The following CHRNA4 variants were observed in gnomAD, a reference collection of about 807,000 sequenced individuals.
The protein encoded by CHRNA4 is neuronal acetylcholine receptor subunit alpha-4.
In CHRNA4, 28 loss-of-function variants were observed where a neutral mutation model predicts 48.9. That is an observed-to-expected ratio of 0.57 (90% CI 0.42 to 0.79). The LOEUF is 0.79. Among genes scored for constraint, CHRNA4 ranks in the 30% least tolerant of loss-of-function variants. The probability of loss-of-function intolerance (pLI) is 0.00; values close to 1 mark genes in which losing one functional copy is unlikely to be tolerated. For missense variants in CHRNA4, 859 were observed against 898.4 expected (o/e 0.96, Z 0.56); for synonymous variants, 425 against 402.3 (o/e 1.06, Z -0.68).
chr20:63,345,267 G>T lies in CHRNA4; in HGVS notation c.*1471C>A, dbSNP rs946591971. ...CCCAACCCCATCCCCACCCCTGGCT[G>T]GATGGGGTCTGGGGGCAGCAGAATG... is the stretch of plus-strand genomic sequence containing the variant. On this transcript the variant is annotated 3_prime_UTR_variant, in exon 6 of 6. Transcript: ENST00000370263. This position sits in a 1 kb window ranked among gnomAD's most constrained non-coding sequence, Gnocchi z 5.4. 8.8e-6 allele frequency: 4 copies of T among 452,420 alleles called. No individual in the cohort carries two copies. Among genetic ancestry groups the T allele is most frequent in the Non-Finnish European group, 1.8e-5 (4 of 225,620 alleles). The allele number at this position is 452,420 out of a possible 1,614,324, so 28.0% of individuals were successfully genotyped here. A position where few individuals can be genotyped will look rare whatever the true frequency, so the allele number is the denominator to read the frequency against.
intron 5 of CHRNA4, 52 bp downstream of exon 5, chr20:63,349,600 CG>C: frequency 1.2e-6 from 2 of 1,606,416 alleles, no homozygotes; most frequent in Non-Finnish European, 1.7e-6. Context: ...AAAGGGCGTC[CG>C]CCGGTTCCGT....
In CHRNA4 at chr20:63,345,598, G is replaced by A. The variant is rs201160528; in HGVS notation, c.*1140C>T. On this transcript the variant is annotated 3_prime_UTR_variant, in exon 6 of 6. Coordinates refer to ENST00000370263, the MANE Select transcript of CHRNA4 (RefSeq NM_000744.7). The surrounding 1 kb of genome is among the most constrained non-coding windows in gnomAD (Gnocchi z 5.4). ...TGAGCTCTGCCTGCCCTGCCAGGAC[G>A]GAGGGCATGGGCCTGTGTGGAAACC... 20 of 450,148 alleles carry A rather than the reference G, an allele frequency of 4.4e-5. No homozygotes were observed. The highest frequency in any genetic ancestry group is 1.7e-4 in the South Asian group (11 of 64,416). The allele number at this position is 450,148 out of a possible 1,614,324, so 27.9% of individuals were successfully genotyped here.
chr20:63,354,202 T>G (rs1601486211), intron 4 of CHRNA4, among the ~76,000 whole-genome samples: 1 of 86,832 alleles, frequency 1.2e-5, no homozygotes, highest in Non-Finnish European at 2.1e-5. Flanking sequence ...CTGGGGGGGC[T>G]GTGGTCCTGG....
rs200524076 is a variant in CHRNA4 at position 63,361,166 on chromosome 20, G to A, written c.-1C>T. On this transcript the variant is annotated 5_prime_UTR_variant, in exon 1 of 6. Transcript: ENST00000370263. ...GCGCTCCGGGGCCCCCTAGCTCCAT[G>A]GCGCACGCACCTCGCGGGCTCTAGA... is the stretch of plus-strand genomic sequence containing the variant. 250 of 1,478,080 alleles carry A rather than the reference G, an allele frequency of 1.7e-4. 1 individual carries two copies. The African/African-American group carries it at 3.1e-3, about 18-fold the overall frequency. The allele number at this position is 1,478,080 out of a possible 1,614,324, so 91.6% of individuals were successfully genotyped here.
chr20:63,358,549 G>A (rs912303253), intron 2 of CHRNA4, among the ~76,000 whole-genome samples: 1 of 152,204 alleles, frequency 6.6e-6, no homozygotes, highest in Non-Finnish European at 1.5e-5. Flanking sequence ...CTGGACCAGC[G>A]AGCTGGGATT....
chr20:63,347,017 C>A, intron 5 of CHRNA4, 154 bp from the exon 6 acceptor site: 1 of 1,121,930 alleles, frequency 8.9e-7, no homozygotes, highest in Non-Finnish European at 1.3e-6. Context: ...ACAGCTGCAC[C>A]GAGGGGAGGA....
intron 4 of CHRNA4, chr20:63,355,410 C>T: frequency 5.9e-6 from 5 of 854,624 alleles, no homozygotes; most frequent in South Asian, 5.7e-5. Flanking sequence ...TGCTGGGGAC[C>T]TGGCGTGACA....
In CHRNA4 at chr20:63,345,310, G is replaced by A. The variant is rs1301139873; in HGVS notation, c.*1428C>T. On this transcript the variant is annotated 3_prime_UTR_variant, in exon 6 of 6. Coordinates refer to ENST00000370263, the MANE Select transcript of CHRNA4 (RefSeq NM_000744.7). This position sits in a 1 kb window ranked among gnomAD's most constrained non-coding sequence, Gnocchi z 5.4. ...GCAGAATGTGGACCACTCAGCAGGA[G>A]GCTTCCTGACTGTCTCCTCCTGAAC... is the stretch of plus-strand genomic sequence containing the variant. 1 of 453,486 alleles carries A rather than the reference G, an allele frequency of 2.2e-6. No homozygotes were observed. Among genetic ancestry groups the A allele is most frequent in the African/African-American group, 2.0e-5 (1 of 49,976 alleles). The allele number at this position is 453,486 out of a possible 1,614,324, so 28.1% of individuals were successfully genotyped here.
chr20:63,361,314 C>A lies in CHRNA4; in HGVS notation c.-149G>T, dbSNP rs1341268501. The A allele has an allele frequency of 1.7e-6, 2 of 1,184,586 alleles. No individual in the cohort carries two copies. Among genetic ancestry groups the A allele is most frequent in the African/African-American group, 3.8e-5 (2 of 52,850 alleles). 73.4% of individuals were successfully genotyped at this position (1,184,586 alleles called of 1,614,324 possible). Reference sequence around the variant, plus strand: ...TCGTCTTCTCCTGTGGGGCGCGGTGCGGCGGCGGCGCGGCAGGGAGCGCCG... The same window carrying A: ...TCGTCTTCTCCTGTGGGGCGCGGTGAGGCGGCGGCGCGGCAGGGAGCGCCG... On this transcript the variant is annotated 5_prime_UTR_variant, in exon 1 of 6. Coordinates refer to ENST00000370263, the MANE Select transcript of CHRNA4 (RefSeq NM_000744.7).
chr20:63,346,643 G>A lies in CHRNA4; in HGVS notation c.*95C>T. ...AATTTGGCAAACGTGTGGCCCCACA[G>A]AGTCCAGGGAGAAGCCAGCCCGGCC... is the stretch of plus-strand genomic sequence containing the variant. On this transcript the variant is annotated 3_prime_UTR_variant, in exon 6 of 6. Coordinates refer to ENST00000370263, the MANE Select transcript of CHRNA4 (RefSeq NM_000744.7). 1 of 1,515,868 alleles carries A rather than the reference G, an allele frequency of 6.6e-7. No homozygotes were observed. The highest frequency in any genetic ancestry group is 1.4e-5 in the African/African-American group (1 of 72,750). The allele number at this position is 1,515,868 out of a possible 1,614,324, so 93.9% of individuals were successfully genotyped here.
chr20:63,359,891 C>CTGCGCT (rs1568820028), intron 1 of CHRNA4, 192 bp from the exon 2 acceptor site: 29 of 492,200 alleles, frequency 5.9e-5, no homozygotes, highest in Admixed American at 1.5e-4. Flanking sequence ...GTGTGCCGGG[C>CTGCGCT]GTGTGCTGTG....
At chr20:63,348,871 G>T (rs1478331408) in intron 5 of CHRNA4, among the ~76,000 whole-genome samples, 2 of 152,128 alleles carry the variant, frequency 1.3e-5, no homozygotes, top group Non-Finnish European at 2.9e-5. Context: ...AGGCAAAGCT[G>T]GCTCAGCCCC....
rs202045714 is a variant in CHRNA4 at position 63,344,941 on chromosome 20, G to A, written c.*1797C>T. ...GCTGGGGATGCCCAGGATTTGGCAC[G>A]GGGGTCTCTGTGTCCCACCCACTCC... On this transcript the variant is annotated 3_prime_UTR_variant, in exon 6 of 6. Coordinates refer to ENST00000370263, the MANE Select transcript of CHRNA4 (RefSeq NM_000744.7). The surrounding 1 kb of genome is among the most constrained non-coding windows in gnomAD (Gnocchi z 4.5). 3.6e-4 allele frequency: 148 copies of A among 405,828 alleles called. No homozygotes were observed. The highest frequency in any genetic ancestry group is 1.8e-3 in the African/African-American group (89 of 49,080). The allele number at this position is 405,828 out of a possible 1,614,324, so 25.1% of individuals were successfully genotyped here.
At chr20:63,359,527 G>A (rs201896447) in intron 2 of CHRNA4, 21 bp downstream of exon 2, 11 of 1,612,390 alleles carry the variant, frequency 6.8e-6, no homozygotes, top group African/African-American at 1.3e-5. Flanking sequence ...CACAGTGCAC[G>A]ATGGCCACGC....
chr20:63,356,289 T>C (rs1470946578), intron 3 of CHRNA4, 82 bp downstream of exon 3: 8 of 673,222 alleles, frequency 1.2e-5, no homozygotes, highest in Middle Eastern at 5.9e-4. Context: ...AGGGCCAGGG[T>C]GGGGCAGGGC....
chr20:63,354,937 C>A (rs1342098041), intron 4 of CHRNA4, among the ~76,000 whole-genome samples: 2 of 152,158 alleles, frequency 1.3e-5, no homozygotes, highest in African/African-American at 2.4e-5. Context: ...CCTCCCACTG[C>A]CGGAGGCCCT....
chr20:63,347,310 C>T (rs1040470151), intron 5 of CHRNA4, among the ~76,000 whole-genome samples: 1 of 152,196 alleles, frequency 6.6e-6, no homozygotes, highest in African/African-American at 2.4e-5. Flanking sequence ...CAAATGTGGC[C>T]CGGTGGGCGC....
In CHRNA4 at chr20:63,359,549, A is replaced by C. The variant is rs1285263254; in HGVS notation, c.227T>G (p.Val76Gly). ...FGLSIAQLID[V>G]DEKNQMMTTN... ...CACGATGGCCACGCCCTCACCTACC[A>C]CGTCAATGAGCTGAGCGATGGACAG... The change falls in exon 2 of 6, where the codon GTG (valine) becomes GGG (glycine). Residue 76 changes from valine (V) to glycine (G), a missense_variant and splice_region_variant. Physicochemically the swap from Val to Gly is moderately radical, Grantham distance 109. Transcript: ENST00000370263. 1.9e-6 allele frequency: 3 copies of C among 1,612,452 alleles called. No homozygotes were observed. The African/African-American group carries it at 4.0e-5, about 22-fold the overall frequency.
rs1332243248 is a variant in CHRNA4 at position 63,353,543 on chromosome 20, A to G, written c.383+2432T>C. ...GGGGGCTGTGGTCCTAGAGGGGGCCATGGTCCTGGAGGGGCTGTGGTCCTG... is the reference window on the plus strand; with the variant it reads ...GGGGGCTGTGGTCCTAGAGGGGGCCGTGGTCCTGGAGGGGCTGTGGTCCTG... On this transcript the variant is annotated intron_variant, in intron 4 of 5. Transcript: ENST00000370263. 7.3e-4 allele frequency among the ~76,000 whole-genome samples: 22 copies of G among 29,960 alleles called. No individual in the cohort carries two copies. The East Asian group carries it at 0.013, about 18-fold the overall frequency. 19.7% of individuals were successfully genotyped at this position (29,960 alleles called of 152,430 possible).
Sources: allele counts gnomAD v4.1 joint callset (sites outside exome capture counted in the v4.1 genomes callset), GRCh38; gene constraint gnomAD v4.1.1; non-coding constraint Gnocchi (gnomAD v3.1); transcripts MANE v1.5; gene names NCBI Gene and HGNC (gene_info 2026-07-23, HGNC 2026-07-21).